Variants in MYO9B observed in about 807,000 individuals in gnomAD.
MYO9B encodes the protein myosin IXB, also known as unconventional myosin-IXb.
A neutral mutation model predicts 229.5 loss-of-function variants in MYO9B; 71 were observed. The ratio of observed to expected loss-of-function variants is 0.31; its 90% CI spans 0.26 to 0.38. The LOEUF (loss-of-function observed/expected upper bound fraction) is 0.38, where lower values mean the gene tolerates loss of function less well. Among genes scored for constraint, MYO9B ranks in the 10% least tolerant of loss-of-function variants. MYO9B has a pLI of 1.00. For missense variants in MYO9B, 2,255 were observed against 2,920.5 expected (o/e 0.77, Z 5.25); for synonymous variants, 1,185 against 1,235.8 (o/e 0.96, Z 0.86).
intron 32 of MYO9B, 22 bp from the exon 33 acceptor site, chr19:17,206,226 A>AACCCCCCCCC: frequency 4.7e-5 from 31 of 654,236 alleles, no homozygotes; most frequent in South Asian, 1.0e-4. Context: ...CGCTCACCAG[A>AACCCCCCCCC]CCCACCCCAC....
intron 4 of MYO9B, 123 bp from the exon 5 acceptor site, chr19:17,153,844 G>A (rs765874731): frequency 3.2e-5 from 23 of 711,650 alleles, no homozygotes; most frequent in Admixed American, 4.4e-5. Flanking sequence ...AAGAACTGAC[G>A]TACTGTTTTA....
intron 2 of MYO9B, among the ~76,000 whole-genome samples, chr19:17,117,937 C>CAAAAA (rs567862829): frequency 1.4e-4 from 13 of 91,332 alleles, no homozygotes; most frequent in African/African-American, 4.0e-4. Context: ...CACTCTTCCT[C>CAAAAA]AAAAAAAAAA....
chr19:17,183,861 T>C lies in MYO9B; in HGVS notation c.2366T>C (p.Ile789Thr), dbSNP rs1468665370. The change falls in exon 16 of 40, where the codon ATT becomes ACT. Residue 789 changes from isoleucine (I) to threonine (T), a missense_variant. Physicochemically the swap from Ile to Thr is moderately conservative, Grantham distance 89 (BLOSUM62 -1). Around this residue, in one of 7 missense-constraint regions of MYO9B, gnomAD observed 155 missense variants for 159.1 expected, o/e 0.97. Coordinates refer to ENST00000682292, the MANE Select transcript of MYO9B (RefSeq NM_004145.4). ...KSKGIKQKQIIPKNLLDSKSL... is the reference protein window; with the variant it reads ...KSKGIKQKQITPKNLLDSKSL... ...AAAGGTATCAAACAAAAGCAGATCA[T>C]TCCAAAGGTAAAAAAAAAAACACAC... 2 of 1,576,560 alleles carry C rather than the reference T, an allele frequency of 1.3e-6. No individual in the cohort carries two copies. The highest frequency in any genetic ancestry group is 1.7e-6 in the Non-Finnish European group (2 of 1,164,642).
chr19:17,194,802 G>T lies in MYO9B; in HGVS notation c.3375G>T (p.Lys1125Asn). 5.0e-6 allele frequency: 8 copies of T among 1,613,368 alleles called. No individual in the cohort carries two copies. Among genetic ancestry groups the T allele is most frequent in the Non-Finnish European group, 6.8e-6 (8 of 1,179,884 alleles). ...SPEKEAPSPE[K>N]TLPPQKTVAA... ...AGAAGGAGGCCCCAAGCCCAGAGAA[G>T]ACTCTCCCACCCCAGAAAACCGTGG... Residue 1125 changes from lysine (K) to asparagine (N), a missense_variant, in exon 22 of 40, where the codon AAG (lysine) becomes AAT (asparagine). Physicochemically the swap from Lys to Asn is moderately conservative, Grantham distance 94. This residue lies in a region of MYO9B where 679 missense variants were observed against 770.2 expected (regional missense o/e 0.88). Coordinates refer to ENST00000682292, the MANE Select transcript of MYO9B (RefSeq NM_004145.4).
chr19:17,135,326 G>A (rs953188924), intron 2 of MYO9B, among the ~76,000 whole-genome samples: 37 of 152,082 alleles, frequency 2.4e-4, no homozygotes, highest in Admixed American at 1.4e-3. Context: ...TGAGTCCAGC[G>A]CTGTGGGTTT....
chr19:17,210,259 A>G (rs923756948), intron 36 of MYO9B, 74 bp from the exon 37 acceptor site: 2 of 1,434,030 alleles, frequency 1.4e-6, no homozygotes, highest in African/African-American at 2.9e-5. Context: ...GGTACCGGTC[A>G]TTGGATGTAT....
At chr19:17,163,243 G>A (rs779724439) in intron 10 of MYO9B, 121 bp downstream of exon 10, 22 of 1,098,766 alleles carry the variant, frequency 2.0e-5, no homozygotes, top group South Asian at 3.2e-5. Context: ...TCACATATTC[G>A]CATTGTTATG....
At chr19:17,116,530 G>A (rs543894171) in intron 2 of MYO9B, among the ~76,000 whole-genome samples, 4 of 152,150 alleles carry the variant, frequency 2.6e-5, no homozygotes, top group Non-Finnish European at 4.4e-5. Flanking sequence ...TCAGGCGGCT[G>A]GGAACAAGGC....
At chr19:17,110,127 A>G (rs1164126746) in intron 2 of MYO9B, among the ~76,000 whole-genome samples, 3 of 152,142 alleles carry the variant, frequency 2.0e-5, no homozygotes. Flanking sequence ...GCTCCCCGAA[A>G]GGAGAAGTTG....
chr19:17,097,329 T>TAA (rs10667866), intron 1 of MYO9B, among the ~76,000 whole-genome samples: 22,389 of 137,640 alleles, frequency 0.16, 1,836 homozygotes, highest in Non-Finnish European at 0.21. Context: ...TCAAAAAAAT[T>TAA]AAAAAAAAAA....
intron 11 of MYO9B, among the ~76,000 whole-genome samples, chr19:17,170,647 C>CAAAAAAAA (rs55894910): frequency 1.2e-4 from 11 of 88,842 alleles, no homozygotes; most frequent in African/African-American, 3.9e-4. Context: ...CCCATCTCTA[C>CAAAAAAAA]AAAAAAAAAA....
intron 20 of MYO9B, among the ~76,000 whole-genome samples, chr19:17,192,489 G>A (rs982956499): frequency 1.4e-4 from 22 of 151,938 alleles, no homozygotes; most frequent in African/African-American, 5.3e-4. Context: ...CAGCTACTCG[G>A]GAGGCTGAGG....
In MYO9B at chr19:17,197,445, T is replaced by TACATAGATAGATAGATAGAC. The variant is rs1555704423; in HGVS notation, c.4047-346_4047-345insCATAGATAGATAGATAGACA. On this transcript the variant is annotated intron_variant, in intron 22 of 39. Transcript: ENST00000682292. ...ATAGATAGATAGATAGATAGATAGA[T>TACATAGATAGATAGATAGAC]AGATACATAGATAGATAGATGGGCA... Among the ~76,000 whole-genome samples, 1,083 of 151,088 alleles carry TACATAGATAGATAGATAGAC rather than the reference T, an allele frequency of 7.2e-3. 11 individuals carry two copies. The highest frequency in any genetic ancestry group is 0.019 in the African/African-American group (772 of 40,592).
At chr19:17,152,592 C>T in intron 3 of MYO9B, 52 bp from the exon 4 acceptor site, 1 of 1,353,004 alleles carries the variant, frequency 7.4e-7, no homozygotes, top group East Asian at 2.4e-5. Context: ...TCAATATTAA[C>T]ACAATACTAA....
chr19:17,174,100 G>C (rs557894325), intron 13 of MYO9B, among the ~76,000 whole-genome samples: 1 of 143,090 alleles, frequency 7.0e-6, no homozygotes, highest in Non-Finnish European at 1.5e-5. Flanking sequence ...GCGCGATCTC[G>C]GCTACTGCAG....
intron 2 of MYO9B, among the ~76,000 whole-genome samples, chr19:17,115,653 G>T (rs1286455843): frequency 6.6e-6 from 1 of 151,704 alleles, no homozygotes; most frequent in Non-Finnish European, 1.5e-5. Context: ...ATTTTTAGTA[G>T]AAATGGGGAT....
At chr19:17,082,344 T>TC (rs1462738045) in intron 1 of MYO9B, among the ~76,000 whole-genome samples, 2 of 151,994 alleles carry the variant, frequency 1.3e-5, no homozygotes, top group Admixed American at 1.3e-4. Flanking sequence ...CCTGAGAGCT[T>TC]CCCCAGTCAG....
At chr19:17,129,006 C>T (rs1209489025) in intron 2 of MYO9B, among the ~76,000 whole-genome samples, 1 of 152,188 alleles carries the variant, frequency 6.6e-6, no homozygotes, top group African/African-American at 2.4e-5. Flanking sequence ...CCTGCATGGC[C>T]TTGACGGGAC....
At chr19:17,147,923 C>G (rs1195191004) in intron 3 of MYO9B, among the ~76,000 whole-genome samples, 1 of 151,114 alleles carries the variant, frequency 6.6e-6, no homozygotes. Context: ...CTCAGGTGAT[C>G]TGCCCGCCTT....
Sources: gnomAD v4.1 joint callset for allele counts (sites outside exome capture counted in the v4.1 genomes callset) on GRCh38, gnomAD v4.1.1 for gene constraint, gnomAD v4.1.1 regional missense constraint, MANE v1.5 for transcripts, NCBI Gene and HGNC (gene_info 2026-07-23, HGNC 2026-07-21) for gene names.